PRMT2: variants seen among roughly 807,000 people sequenced by gnomAD.
The protein encoded by PRMT2 is protein arginine methyltransferase 2, also known as protein arginine N-methyltransferase 2.
PRMT2 carries 26 observed loss-of-function variants against 57.6 expected under a neutral mutation model. The observed-to-expected ratio is 0.45, with a 90% CI of 0.33 to 0.63. The LOEUF is 0.63. PRMT2 is among the 20% of genes least tolerant of loss of function. PRMT2 has a pLI of 0.02. For missense variants in PRMT2, 472 were observed against 564.4 expected, an observed-to-expected ratio of 0.84 and a Z score of 1.66; for synonymous variants, 219 against 220.0, an observed-to-expected ratio of 1.00 and a Z score of 0.04.
intron 3 of PRMT2, among the ~76,000 whole-genome samples, chr21:46,639,567 A>AT (rs993172167): frequency 6.7e-6 from 1 of 148,548 alleles, no homozygotes; most frequent in Non-Finnish European, 1.5e-5. Flanking sequence ...AATTGACCTT[A>AT]TTTTTTATAA....
Position 46,660,928 on chromosome 21 carries a change from T to G in PRMT2, c.926T>G (p.Leu309Trp), listed in dbSNP as rs2061610548. 1 of 1,613,408 alleles carries G rather than the reference T, an allele frequency of 6.2e-7. No individual in the cohort carries two copies. Among genetic ancestry groups the G allele is most frequent in the Admixed American group, 1.7e-5 (1 of 59,978 alleles). ...TCTGAACCGTGCACTATATTGCAGT[T>G]GGACATGAGAACCGTGCAAATTTCT... is the stretch of plus-strand genomic sequence containing the variant. ...CLSEPCTILQLDMRTVQISDL... is the reference protein window; with the variant it reads ...CLSEPCTILQWDMRTVQISDL... Residue 309 changes from leucine to tryptophan, a missense_variant, in exon 9 of 12, where the codon TTG becomes TGG. Transcript: ENST00000355680.
chr21:46,651,303 C>T (rs774067742), intron 7 of PRMT2, among the ~76,000 whole-genome samples: 2 of 152,226 alleles, frequency 1.3e-5, no homozygotes. Context: ...AGCCCTGAGC[C>T]GCAGGGAGTG....
intron 3 of PRMT2, among the ~76,000 whole-genome samples, chr21:46,639,464 T>C (rs1006517510): frequency 1.1e-4 from 17 of 152,290 alleles, no homozygotes; most frequent in African/African-American, 4.1e-4. Context: ...GATATATCTA[T>C]TTTTCCTTTT....
At chr21:46,644,821 G>C (rs2061336137) in intron 5 of PRMT2, among the ~76,000 whole-genome samples, 1 of 152,130 alleles carries the variant, frequency 6.6e-6, no homozygotes, top group African/African-American at 2.4e-5. Flanking sequence ...AAAACAGGTG[G>C]TGGGCTAGAT....
In PRMT2 at chr21:46,661,883, G is replaced by A. The variant is rs2061630350; in HGVS notation, c.1044G>A (p.Gln348=). Reference sequence around the variant, plus strand: ...CGGCCTGGTTTAGCGTCCACTTCCAGAGCCTGCAGGAGGGGCAGCCGCCGC... The same window carrying A: ...CGGCCTGGTTTAGCGTCCACTTCCAAAGCCTGCAGGAGGGGCAGCCGCCGC... ...GFTAWFSVHF[Q]SLQEGQPPQV... The change falls in exon 10 of 12, where the codon CAG becomes CAA. Residue 348 remains glutamine (Q), a synonymous_variant. Transcript: ENST00000355680. The A allele has an allele frequency of 2.0e-6, 3 of 1,499,444 alleles. No individual in the cohort carries two copies. Among genetic ancestry groups the A allele is most frequent in the Admixed American group, 4.1e-5 (2 of 49,024 alleles). The allele number at this position is 1,499,444 out of a possible 1,614,324, so 92.9% of individuals were successfully genotyped here.
At position 46,664,922 on chromosome 21, in the gene PRMT2, CAATA is replaced by C. The variant is rs1428160970; in HGVS notation, c.*600_*603del. 6.5e-6 allele frequency: 1 copy of C among 153,050 alleles called. No individual in the cohort carries two copies. Among genetic ancestry groups the C allele is most frequent in the African/African-American group, 2.4e-5 (1 of 41,434 alleles). 9.5% of individuals were successfully genotyped at this position (153,050 alleles called of 1,614,324 possible). On this transcript the variant is annotated 3_prime_UTR_variant, in exon 12 of 12. Coordinates refer to ENST00000355680, the MANE Select transcript of PRMT2 (RefSeq NM_206962.4). ...TATGTGTTGGTCCATCGCACATGCT[CAATA>C]AATATTTTTAAATGAGTGAATGTCA...
At position 46,649,977 on chromosome 21, in the gene PRMT2, T is replaced by C. The variant is rs2061425138; in HGVS notation, c.654+238T>C. 7.0e-7 allele frequency: 1 copy of C among 1,427,906 alleles called. No homozygotes were observed. Among genetic ancestry groups the C allele is most frequent in the Non-Finnish European group, 9.2e-7 (1 of 1,087,486 alleles). 88.5% of individuals were successfully genotyped at this position (1,427,906 alleles called of 1,614,324 possible). A position where few individuals can be genotyped will look rare whatever the true frequency, so the allele number is the denominator to read the frequency against. The stretch of plus-strand genomic sequence containing the variant: ...AAAGTTCATGTAACATTTTCATGAG[T>C]GATTTACATGAACTGTGTTCTCCTC... On this transcript the variant is annotated intron_variant, in intron 7 of 11. Transcript: ENST00000355680. This position sits in a 1 kb window ranked among gnomAD's most constrained non-coding sequence, Gnocchi z 4.8.
rs918583069 is a variant in PRMT2 at position 46,660,843 on chromosome 21, G to A, written c.841G>A (p.Val281Ile). The A allele has an allele frequency of 1.2e-6, 2 of 1,613,794 alleles. No homozygotes were observed. The highest frequency in any genetic ancestry group is 1.3e-5 in the African/African-American group (1 of 74,904). ...GACCTTTTCCCCTAGATCTTTAGCAGTTAAGGAGTTTTTTTCAAAGCCCAA... is the reference window on the plus strand; with the variant it reads ...GACCTTTTCCCCTAGATCTTTAGCAATTAAGGAGTTTTTTTCAAAGCCCAA... Reference protein sequence around the residue: ...FNLSALKSLAVKEFFSKPKYN... With the variant: ...FNLSALKSLAIKEFFSKPKYN... The change falls in exon 9 of 12, where the codon GTT becomes ATT. Residue 281 changes from valine to isoleucine, a missense_variant. This residue lies in a region of PRMT2 where 229 missense variants were observed against 217.2 expected (regional missense o/e 1.05). Transcript: ENST00000355680.
In PRMT2 at chr21:46,649,466, C is replaced by T; in HGVS notation, c.490-109C>T. ...GCCTCTGCTGTCTGGAATGCTGCTT[C>T]CCTCTTGTGTCATTGACCATTTCTC... On this transcript the variant is annotated intron_variant, in intron 6 of 11. Transcript: ENST00000355680. The surrounding 1 kb of genome is among the most constrained non-coding windows in gnomAD (Gnocchi z 4.8). The T allele has an allele frequency of 1.3e-6, 2 of 1,547,490 alleles. No homozygotes were observed. Among genetic ancestry groups the T allele is most frequent in the Non-Finnish European group, 1.8e-6 (2 of 1,124,470 alleles).
chr21:46,648,604 TGC>T lies in PRMT2; in HGVS notation c.478_479del (p.Arg160AlafsTer2), dbSNP rs1211329604. On this transcript the variant is annotated frameshift_variant, in exon 6 of 12. Transcript: ENST00000355680. LOFTEE classifies it high-confidence loss of function. This position sits in a 1 kb window ranked among gnomAD's most constrained non-coding sequence, Gnocchi z 4.8. ...TCATCAGTCTCTTCTGTGCACACTA[TGC>T]GCGGCCTAGAGCGGTGAGTGGGGTC... ...GIISLFCAHY[A>X]RPRAVYAVEA... 1 of 1,613,976 alleles carries T rather than the reference TGC, an allele frequency of 6.2e-7. No homozygotes were observed. The highest frequency in any genetic ancestry group is 1.3e-5 in the African/African-American group (1 of 74,938).
Position 46,663,383 on chromosome 21 carries a change from C to T in PRMT2, c.1098C>T (p.Pro366=). The change falls in exon 11 of 12, where the codon CCC becomes CCT. Residue 366 remains proline (P), a splice_region_variant and synonymous_variant. Coordinates refer to ENST00000355680, the MANE Select transcript of PRMT2 (RefSeq NM_206962.4). ...GGTCACACGCACCCCTGTCTTGCAG[C>T]ACCACACACTGGAAGCAGACGCTGT... The part of the protein sequence containing the change: ...PQVLSTGPFH[P]TTHWKQTLFM... The T allele has an allele frequency of 3.1e-6, 5 of 1,610,428 alleles. No homozygotes were observed. Among genetic ancestry groups the T allele is most frequent in the Non-Finnish European group, 3.4e-6 (4 of 1,177,356 alleles).
chr21:46,659,163 C>G, intron 8 of PRMT2: 1 of 1,242,522 alleles, frequency 8.0e-7, no homozygotes. Flanking sequence ...AAAAAGGTGG[C>G]ATTACGATTA....
At chr21:46,640,497 A>C (rs1206463017) in intron 3 of PRMT2, among the ~76,000 whole-genome samples, 3 of 141,628 alleles carry the variant, frequency 2.1e-5, no homozygotes, top group Non-Finnish European at 4.5e-5. Context: ...GCTGGAGTGC[A>C]GTGATGCGAT....
At chr21:46,643,359 G>A in intron 3 of PRMT2, 176 bp from the exon 4 acceptor site, 1 of 1,170,448 alleles carries the variant, frequency 8.5e-7, no homozygotes, top group Non-Finnish European at 1.1e-6. Context: ...AAGAAATGTA[G>A]AGTGAAGGTG....
intron 2 of PRMT2, 45 bp from the exon 3 acceptor site, chr21:46,636,851 G>A (rs1007932995): frequency 8.6e-7 from 1 of 1,160,752 alleles, no homozygotes; most frequent in East Asian, 2.5e-5. Flanking sequence ...CAATTATTAA[G>A]CAATGTAACA....
At chr21:46,641,123 CAAA>C (rs55728457) in intron 3 of PRMT2, among the ~76,000 whole-genome samples, 1 of 104,566 alleles carries the variant, frequency 9.6e-6, no homozygotes, top group Non-Finnish European at 1.8e-5. Context: ...GACCTCATCT[CAAA>C]AAAAAAAAAA....
At chr21:46,645,224 G>A (rs1016307197) in intron 5 of PRMT2, among the ~76,000 whole-genome samples, 17 of 152,410 alleles carry the variant, frequency 1.1e-4, no homozygotes, top group South Asian at 8.3e-4. Flanking sequence ...CCATGATGGC[G>A]CTGTTGCACT....
At chr21:46,661,126 G>T in intron 9 of PRMT2, 164 bp downstream of exon 9, 1 of 682,204 alleles carries the variant, frequency 1.5e-6, no homozygotes, top group South Asian at 3.2e-5. Context: ...GTTTGCTACT[G>T]ATTTTTTCCA....
At position 46,660,679 on chromosome 21, in the gene PRMT2, C is replaced by T. The variant is rs1366300940; in HGVS notation, c.831-154C>T. ...GGGAGGCACCCAGGGCCTGTGGAGG[C>T]CTGAGGGCTGCTCTGGGGTTCCAGG... On this transcript the variant is annotated intron_variant, in intron 8 of 11. Coordinates refer to ENST00000355680, the MANE Select transcript of PRMT2 (RefSeq NM_206962.4). 5.3e-5 allele frequency among the ~76,000 whole-genome samples: 8 copies of T among 152,268 alleles called. No individual in the cohort carries two copies. In the East Asian group the frequency reaches 1.5e-3, roughly 29 times the overall value.
Sources: allele counts gnomAD v4.1 joint callset (sites outside exome capture counted in the v4.1 genomes callset), GRCh38; gene constraint gnomAD v4.1.1; regional missense constraint gnomAD v4.1.1; non-coding constraint Gnocchi (gnomAD v3.1); transcripts MANE v1.5; gene names NCBI Gene and HGNC (gene_info 2026-07-23, HGNC 2026-07-21).